The following CMIP variants were observed in gnomAD, a reference collection of about 807,000 sequenced individuals.
CMIP encodes C-Maf-inducing protein.
In CMIP, 13 loss-of-function variants were observed where a neutral mutation model predicts 97.3. The observed-to-expected ratio is 0.13, with a 90% CI of 0.09 to 0.21. CMIP has a LOEUF of 0.21. CMIP is among the 10% of genes least tolerant of loss of function. CMIP has a pLI of 1.00. For synonymous variants in CMIP, 538 were observed against 436.3 expected, an observed-to-expected ratio of 1.23 and a Z score of -2.91; for missense variants, 847 against 1,024.9, an observed-to-expected ratio of 0.83 and a Z score of 2.37.
At chr16:81,519,418 C>T (rs1207766848) in intron 1 of CMIP, 1 of 152,240 alleles carries the variant, frequency 6.6e-6, no homozygotes, top group Non-Finnish European at 1.5e-5. Context: ...AGTCCTGACC[C>T]CTTAACTCAG....
At chr16:81,486,707 G>A (rs2089319704) in intron 1 of CMIP, among the ~76,000 whole-genome samples, 1 of 152,252 alleles carries the variant, frequency 6.6e-6, no homozygotes, top group Admixed American at 6.5e-5. Flanking sequence ...GACCTTGAAG[G>A]CTCTTAACTC....
chr16:81,509,759 G>C (rs1371866728), intron 1 of CMIP, among the ~76,000 whole-genome samples: 1 of 152,196 alleles, frequency 6.6e-6, no homozygotes, highest in Non-Finnish European at 1.5e-5. Context: ...ACCTGCCCCA[G>C]CTGCACATCC....
chr16:81,664,722 A>C, intron 7 of CMIP: 1 of 433,874 alleles, frequency 2.3e-6, no homozygotes, highest in South Asian at 7.1e-5. Context: ...TCCAGAGAGC[A>C]CTGTATGGAA....
At chr16:81,477,045 C>T (rs1374176580) in intron 1 of CMIP, among the ~76,000 whole-genome samples, 1 of 152,094 alleles carries the variant, frequency 6.6e-6, no homozygotes, top group African/African-American at 2.4e-5. Context: ...GGGGCTAATT[C>T]ATGCCGCGTT....
intron 1 of CMIP, among the ~76,000 whole-genome samples, chr16:81,537,410 C>T (rs980174834): frequency 1.3e-5 from 2 of 151,782 alleles, no homozygotes; most frequent in Non-Finnish European, 2.9e-5. Context: ...TGGCACGCAC[C>T]TGTAGTTGCA....
chr16:81,475,490 ATT>A (rs55674732), intron 1 of CMIP, among the ~76,000 whole-genome samples: 43 of 150,722 alleles, frequency 2.9e-4, no homozygotes, highest in African/African-American at 1.0e-3. Flanking sequence ...TGTTTCCTAG[ATT>A]TTTTTTTTGT....
At chr16:81,452,869 GT>G (rs377250298) in intron 1 of CMIP, among the ~76,000 whole-genome samples, 126 of 102,994 alleles carry the variant, frequency 1.2e-3, no homozygotes, top group African/African-American at 3.7e-3. Flanking sequence ...TTTTTCTTTT[GT>G]TTTTTTTTTG....
intron 1 of CMIP, among the ~76,000 whole-genome samples, chr16:81,586,583 G>C (rs1444190592): frequency 6.6e-6 from 1 of 152,152 alleles, no homozygotes; most frequent in East Asian, 1.9e-4. Flanking sequence ...AAGGCTCTCT[G>C]TAATCGAGAT....
At chr16:81,707,204 A>G (rs1209593778) in intron 20 of CMIP, 120 bp downstream of exon 20, 4 of 783,502 alleles carry the variant, frequency 5.1e-6, no homozygotes, top group South Asian at 1.6e-5. Context: ...CTACAGATCA[A>G]TACATAAAAT....
intron 1 of CMIP, among the ~76,000 whole-genome samples, chr16:81,457,344 C>T (rs1567525354): frequency 6.6e-6 from 1 of 152,102 alleles, no homozygotes; most frequent in South Asian, 2.1e-4. Context: ...CTGAAGCCAT[C>T]ATACAGGGCT....
intron 1 of CMIP, among the ~76,000 whole-genome samples, chr16:81,534,284 A>T (rs1489639107): frequency 2.0e-5 from 3 of 152,168 alleles, no homozygotes; most frequent in Admixed American, 6.5e-5. Context: ...ATTAAACCTC[A>T]TTCACTGCCC....
intron 17 of CMIP, among the ~76,000 whole-genome samples, chr16:81,703,587 A>G (rs1907668691): frequency 6.7e-6 from 1 of 148,612 alleles, no homozygotes; most frequent in Non-Finnish European, 1.5e-5. Flanking sequence ...ACACACAGAT[A>G]TACACACATA....
intron 15 of CMIP, among the ~76,000 whole-genome samples, chr16:81,700,145 C>T (rs1437117161): frequency 2.6e-5 from 4 of 152,184 alleles, no homozygotes; most frequent in Admixed American, 6.5e-5. Flanking sequence ...CAGCTACGCA[C>T]TTCTCACCTG....
intron 7 of CMIP, chr16:81,667,411 C>T (rs1249963770): frequency 6.6e-6 from 1 of 152,220 alleles, no homozygotes; most frequent in Non-Finnish European, 1.5e-5. Flanking sequence ...GGCGAGAAGA[C>T]ACGGCTGTGG....
rs1436794635 is a variant in CMIP at position 81,621,773 on chromosome 16, C to T, written c.477+847C>T. 3 of 152,670 alleles carry T rather than the reference C, an allele frequency of 2.0e-5. No homozygotes were observed. The highest frequency in any genetic ancestry group is 3.8e-4 in the East Asian group (2 of 5,198). 9.5% of individuals were successfully genotyped at this position (152,670 alleles called of 1,614,324 possible). A position where few individuals can be genotyped will look rare whatever the true frequency, so the allele number is the denominator to read the frequency against. On this transcript the variant is annotated intron_variant, in intron 3 of 20. Transcript: ENST00000537098. The surrounding 1 kb of genome is among the most constrained non-coding windows in gnomAD (Gnocchi z 4.1). ...CCATGCAGAGCTGGGTGCCATGTCA[C>T]GTGTTGGGAGGACCCAGGGAACACT...
chr16:81,445,565 C>T (rs781569420), intron 1 of CMIP, 24 bp downstream of exon 1: 13 of 1,534,266 alleles, frequency 8.5e-6, no homozygotes, highest in African/African-American at 5.5e-5. Flanking sequence ...CGCGGCTGCA[C>T]CCCCGCCTCT....
chr16:81,623,891 G>T (rs1292313755), intron 3 of CMIP, among the ~76,000 whole-genome samples: 1 of 152,230 alleles, frequency 6.6e-6, no homozygotes, highest in East Asian at 1.9e-4. Flanking sequence ...GAGATCAAGT[G>T]ACTTGCCTAC....
At chr16:81,596,540 C>T (rs2091560163) in intron 1 of CMIP, among the ~76,000 whole-genome samples, 1 of 149,470 alleles carries the variant, frequency 6.7e-6, no homozygotes, top group East Asian at 2.0e-4. Context: ...TCAATTGGAA[C>T]ATTGCATACA....
intron 1 of CMIP, among the ~76,000 whole-genome samples, chr16:81,597,169 G>A (rs902962149): frequency 2.3e-4 from 35 of 152,312 alleles, no homozygotes; most frequent in African/African-American, 7.9e-4. Context: ...GGGGATTGCT[G>A]GGTTCTAGGG....
Sources: gnomAD v4.1 joint callset for allele counts (sites outside exome capture counted in the v4.1 genomes callset) on GRCh38, gnomAD v4.1.1 for gene constraint, Gnocchi (gnomAD v3.1) non-coding constraint, MANE v1.5 for transcripts, NCBI Gene and HGNC (gene_info 2026-07-23, HGNC 2026-07-21) for gene names.